The following TM6SF1 variants were observed in gnomAD, a reference collection of about 807,000 sequenced individuals.
The protein encoded by TM6SF1 is transmembrane 6 superfamily member 1.
Under a neutral mutation model 47.1 loss-of-function variants are expected in TM6SF1, and 43 were observed. That is an observed-to-expected ratio of 0.91 (90% CI 0.72 to 1.18). TM6SF1 has a LOEUF of 1.18. Ranked by LOEUF, TM6SF1 falls within the 50% of genes most tolerant of loss-of-function variation. The pLI is 0.00. For missense variants in TM6SF1, 390 were observed against 449.0 expected (o/e 0.87, Z 1.19); for synonymous variants, 177 against 166.3 (o/e 1.06, Z -0.49).
Position 83,137,054 on chromosome 15 carries a change from T to C in TM6SF1, c.*382T>C, listed in dbSNP as rs1388542093. On this transcript the variant is annotated 3_prime_UTR_variant, in exon 10 of 10. Coordinates refer to ENST00000322019, the MANE Select transcript of TM6SF1 (RefSeq NM_023003.5). ...ATATTAAAAAATTCAAAACAGTGAA[T>C]GCAGACTGGAGGAGTAACTTTTGCA... 1.3e-5 allele frequency: 2 copies of C among 154,828 alleles called. No individual in the cohort carries two copies. Among genetic ancestry groups the C allele is most frequent in the African/African-American group, 4.8e-5 (2 of 41,556 alleles). 9.6% of individuals were successfully genotyped at this position (154,828 alleles called of 1,614,324 possible). A position where few individuals can be genotyped will look rare whatever the true frequency, so the allele number is the denominator to read the frequency against.
intron 2 of TM6SF1, chr15:83,115,496 T>G: frequency 7.4e-6 from 3 of 402,984 alleles, no homozygotes; most frequent in Non-Finnish European, 1.4e-5. Flanking sequence ...CCACTGCCCA[T>G]GTGGGATGTG....
chr15:83,109,733 C>G (rs961895505), intron 1 of TM6SF1, among the ~76,000 whole-genome samples: 1 of 152,240 alleles, frequency 6.6e-6, no homozygotes, highest in South Asian at 2.1e-4. Flanking sequence ...CCTCGGCCCC[C>G]CAGTCCCAGC....
chr15:83,109,712 G>A (rs929986463), intron 1 of TM6SF1, among the ~76,000 whole-genome samples: 5 of 152,120 alleles, frequency 3.3e-5, no homozygotes, highest in African/African-American at 7.2e-5. Flanking sequence ...GCCCCGCTGC[G>A]TGTTTCTCGG....
At position 83,136,717 on chromosome 15, in the gene TM6SF1, T is replaced by C. The variant is rs375291118; in HGVS notation, c.*45T>C. On this transcript the variant is annotated 3_prime_UTR_variant, in exon 10 of 10. Coordinates refer to ENST00000322019, the MANE Select transcript of TM6SF1 (RefSeq NM_023003.5). Reference sequence around the variant, plus strand: ...TCCTTTCTAAATTACTAACTTTTGTTATACTGGTACTGATATTTTGTCCCA... The same window carrying C: ...TCCTTTCTAAATTACTAACTTTTGTCATACTGGTACTGATATTTTGTCCCA... The C allele has an allele frequency of 1.9e-5, 28 of 1,500,596 alleles. No individual in the cohort carries two copies. Among genetic ancestry groups the C allele is most frequent in the Non-Finnish European group, 2.4e-5 (26 of 1,103,574 alleles). 93.0% of individuals were successfully genotyped at this position (1,500,596 alleles called of 1,614,324 possible).
At chr15:83,135,903 A>G (rs2036576007) in intron 9 of TM6SF1, 1 of 152,322 alleles carries the variant, frequency 6.6e-6, no homozygotes, top group South Asian at 2.1e-4. Flanking sequence ...AAACAAATAC[A>G]TGAATAAATG....
intron 4 of TM6SF1, 79 bp from the exon 5 acceptor site, chr15:83,121,842 T>C: frequency 9.7e-7 from 1 of 1,034,852 alleles, no homozygotes; most frequent in South Asian, 1.4e-5. Flanking sequence ...GAATACAAAA[T>C]AATATTGAAG....
At chr15:83,112,194 CCCTGGTTCTGGGGTGTTGGG>C (rs994012620) in intron 1 of TM6SF1, among the ~76,000 whole-genome samples, 1 of 152,112 alleles carries the variant, frequency 6.6e-6, no homozygotes, top group African/African-American at 2.4e-5. Flanking sequence ...GGTCTGTTGG[CCCTGGTTCTGGGGTGTTGGG>C]CTATCTTCAT....
intron 9 of TM6SF1, chr15:83,132,969 G>A (rs2036356165): frequency 6.6e-6 from 1 of 152,128 alleles, no homozygotes; most frequent in Non-Finnish European, 1.5e-5. Context: ...TTCTACAGTC[G>A]AGCACCAGAT....
intron 1 of TM6SF1, among the ~76,000 whole-genome samples, chr15:83,110,691 T>C (rs992436197): frequency 2.0e-5 from 3 of 152,106 alleles, no homozygotes; most frequent in African/African-American, 4.8e-5. Flanking sequence ...TCTTCCCTCA[T>C]GGGATTCTTC....
In TM6SF1 at chr15:83,107,822, G is replaced by A; in HGVS notation, c.92+50G>A. On this transcript the variant is annotated intron_variant, in intron 1 of 9. Transcript: ENST00000322019. The surrounding 1 kb of genome is among the most constrained non-coding windows in gnomAD (Gnocchi z 5.6). ...TCGCGCCGAGGGGCGGCGGGAGTTGGCTCGCCGCGACGGGAGCCTCGCAAC... is the reference window on the plus strand; with the variant it reads ...TCGCGCCGAGGGGCGGCGGGAGTTGACTCGCCGCGACGGGAGCCTCGCAAC... 6.5e-7 allele frequency: 1 copy of A among 1,536,750 alleles called. No individual in the cohort carries two copies.
intron 9 of TM6SF1, chr15:83,128,128 AAAAC>A (rs1396767549): frequency 6.6e-6 from 1 of 152,282 alleles, no homozygotes; most frequent in African/African-American, 2.4e-5. Flanking sequence ...TACTAGAAAT[AAAAC>A]AAATGAACTT....
At chr15:83,122,097 G>GCT in intron 5 of TM6SF1, 94 bp downstream of exon 5, 1 of 994,452 alleles carries the variant, frequency 1.0e-6, no homozygotes, top group Non-Finnish European at 1.5e-6. Context: ...ATAGAACCAA[G>GCT]TGATTCCAAG....
chr15:83,126,816 T>C lies in TM6SF1; in HGVS notation c.770T>C (p.Leu257Pro). The C allele has an allele frequency of 2.5e-6, 4 of 1,613,980 alleles. No homozygotes were observed. Among genetic ancestry groups the C allele is most frequent in the Non-Finnish European group, 3.4e-6 (4 of 1,179,892 alleles). The change falls in exon 8 of 10, where the codon CTA (leucine) becomes CCA (proline). Residue 257 changes from leucine to proline, a missense_variant. Leu to Pro is a moderately conservative substitution (Grantham distance 98). Transcript: ENST00000322019. ...TATACGCAATTTCAAGAGCCCTATC[T>C]AAAGGATCCTGCTGCTTATCCTAAA... ...RLYTQFQEPY[L>P]KDPAAYPKIQ...
At chr15:83,121,083 T>A (rs996244598) in intron 4 of TM6SF1, among the ~76,000 whole-genome samples, 3 of 151,898 alleles carry the variant, frequency 2.0e-5, no homozygotes, top group Non-Finnish European at 4.4e-5. Flanking sequence ...TTTTTTTTTT[T>A]ATTTTGAGAC....
chr15:83,131,751 G>A (rs1351933554), intron 9 of TM6SF1: 1 of 152,144 alleles, frequency 6.6e-6, no homozygotes, highest in African/African-American at 2.4e-5. Context: ...AAAGAAGATT[G>A]AATAAAATGA....
rs760197083 is a variant in TM6SF1 at position 83,123,121 on chromosome 15, G to C, written c.603+243G>C. On this transcript the variant is annotated intron_variant, in intron 6 of 9. Transcript: ENST00000322019. ...ATACTTTGGGGAGCTTCCTGTGCCA[G>C]TGGTCACACTGGCTCTAACTATCAG... 1.5e-4 allele frequency among the ~76,000 whole-genome samples: 23 copies of C among 152,240 alleles called. 1 individual carries two copies. Among genetic ancestry groups the C allele is most frequent in the Non-Finnish European group, 4.4e-5 (3 of 68,040 alleles).
intron 1 of TM6SF1, among the ~76,000 whole-genome samples, chr15:83,110,160 G>T (rs1415524218): frequency 1.3e-5 from 2 of 152,106 alleles, no homozygotes; most frequent in Non-Finnish European, 2.9e-5. Context: ...TAGATTGAGA[G>T]GTCAGGAAAG....
chr15:83,127,281 TTTAC>T, intron 8 of TM6SF1, 73 bp from the exon 9 acceptor site: 6 of 1,421,156 alleles, frequency 4.2e-6, no homozygotes, highest in Non-Finnish European at 4.7e-6. Flanking sequence ...GATGAAAATG[TTTAC>T]TTTTTTGTAC....
Position 83,119,630 on chromosome 15 carries a change from G to A in TM6SF1, c.347G>A (p.Gly116Asp). The A allele has an allele frequency of 6.2e-7, 1 of 1,614,178 alleles. No homozygotes were observed. Among genetic ancestry groups the A allele is most frequent in the South Asian group, 1.1e-5 (1 of 91,082 alleles). ...GGGCACATGATCTGCTACTGGGATG[G>A]CTCTGCTCATTATCTGATGTACCTG... ...AYGHMICYWD[G>D]SAHYLMYLVM... Residue 116 changes from glycine (G) to aspartate (D), a missense_variant, in exon 4 of 10, where the codon GGC (glycine) becomes GAC (aspartate). Transcript: ENST00000322019.
Sources: allele counts gnomAD v4.1 joint callset (sites outside exome capture counted in the v4.1 genomes callset), GRCh38; gene constraint gnomAD v4.1.1; non-coding constraint Gnocchi (gnomAD v3.1); transcripts MANE v1.5; gene names NCBI Gene and HGNC (gene_info 2026-07-23, HGNC 2026-07-21).